The following CTNNA2 variants were observed in gnomAD, a reference collection of about 807,000 sequenced individuals.
CTNNA2 encodes catenin alpha-2.
CTNNA2 carries 42 observed loss-of-function variants against 101.0 expected under a neutral mutation model. That is an observed-to-expected ratio of 0.42 (90% CI 0.32 to 0.54). The LOEUF (loss-of-function observed/expected upper bound fraction) is 0.54. Ranked by LOEUF, CTNNA2 falls within the 20% of genes least tolerant of loss-of-function variation. CTNNA2 has a pLI of 0.14. For synonymous variants in CTNNA2, 450 were observed against 456.4 expected (o/e 0.99, Z 0.18); for missense variants, 871 against 1,223.1 (o/e 0.71, Z 4.29).
rs552464692 is a variant in CTNNA2, at chr2:79,393,683, G to A, written c.-135+19670G>A. Among the ~76,000 whole-genome samples the A allele has an allele frequency of 9.7e-4, 147 of 151,256 alleles. 1 individual carries two copies. Among genetic ancestry groups the A allele is most frequent in the African/African-American group, 3.2e-3 (132 of 41,144 alleles). ...CGAAGCTCTGAATTTCCTACAATGG[G>A]CTGGAGGTCACAAGCAGGAATGTGG... On this transcript the variant is annotated intron_variant, in intron 4 of 21. Coordinates refer to the CTNNA2 transcript ENST00000466387.
At chr2:79,280,312 TA>T in intron 2 of CTNNA2, among the ~76,000 whole-genome samples, 1 of 152,172 alleles carries the variant, frequency 6.6e-6, no homozygotes, top group Non-Finnish European at 1.5e-5. Context: ...TGTGGAAGCC[TA>T]AAAACATGTG....
At chr2:80,077,602 C>A (rs1050581939) in intron 7 of CTNNA2, among the ~76,000 whole-genome samples, 48 of 144,326 alleles carry the variant, frequency 3.3e-4, no homozygotes, top group Non-Finnish European at 5.1e-4. Context: ...AAAAAAAAAA[C>A]ATAAACAAAA....
In CTNNA2 at chr2:80,338,236, G is replaced by A. The variant is rs900453645; in HGVS notation, c.1057-54975G>A. ...ACTCCTGAGCTTAGGTGATCTTCCC[G>A]CCTTGGCTTCCCAAAGTGCTGGGAT... On this transcript the variant is annotated intron_variant, in intron 7 of 18. Coordinates refer to ENST00000402739, the MANE Select transcript of CTNNA2 (RefSeq NM_001282597.3). Among the ~76,000 whole-genome samples, 9 of 151,488 alleles carry A rather than the reference G, an allele frequency of 5.9e-5. No individual in the cohort carries two copies. The South Asian group carries it at 6.2e-4, about 11-fold the overall frequency.
At chr2:80,032,954 C>T (rs553656255) in intron 7 of CTNNA2, among the ~76,000 whole-genome samples, 27 of 151,874 alleles carry the variant, frequency 1.8e-4, no homozygotes, top group Non-Finnish European at 3.4e-4. Flanking sequence ...AGGTCGAGAC[C>T]ATCCTGGCCA....
intron 1 of CTNNA2, among the ~76,000 whole-genome samples, chr2:79,579,151 T>G (rs1675986005): frequency 6.6e-6 from 1 of 151,150 alleles, no homozygotes; most frequent in Non-Finnish European, 1.5e-5. Flanking sequence ...TTCCTTTCCT[T>G]CTCTTTTTTC....
intron 4 of CTNNA2, among the ~76,000 whole-genome samples, chr2:79,860,556 T>TTTTGTTTTTTG (rs1332648095): frequency 2.5e-4 from 37 of 150,256 alleles, no homozygotes; most frequent in Admixed American, 2.1e-3. Context: ...GTTTTTTTTT[T>TTTTGTTTTTTG]TTTTTTTTTA....
intron 1 of CTNNA2, among the ~76,000 whole-genome samples, chr2:79,629,826 C>T (rs1436781891): frequency 6.6e-6 from 1 of 152,032 alleles, no homozygotes; most frequent in Non-Finnish European, 1.5e-5. Flanking sequence ...ATCTTTGTGC[C>T]TTGCTGAACC....
chr2:79,916,142 A>G (rs1025225219), intron 7 of CTNNA2, among the ~76,000 whole-genome samples: 3 of 152,216 alleles, frequency 2.0e-5, no homozygotes, highest in Non-Finnish European at 4.4e-5. Flanking sequence ...CAGCTTGGCT[A>G]ATAATAACTT....
chr2:80,092,195 C>A (rs1039487664), intron 7 of CTNNA2, among the ~76,000 whole-genome samples: 1 of 152,106 alleles, frequency 6.6e-6, no homozygotes, highest in African/African-American at 2.4e-5. Context: ...GACAATTAGA[C>A]AGTGGCCTCC....
At chr2:80,345,994 T>C (rs1672699328) in intron 7 of CTNNA2, among the ~76,000 whole-genome samples, 1 of 152,194 alleles carries the variant, frequency 6.6e-6, no homozygotes, top group Admixed American at 6.5e-5. Flanking sequence ...AAAATAATTT[T>C]CCATTTTCAC....
intron 7 of CTNNA2, among the ~76,000 whole-genome samples, chr2:79,959,112 A>G (rs1689451235): frequency 6.6e-6 from 1 of 150,380 alleles, no homozygotes; most frequent in African/African-American, 2.4e-5. Context: ...CTGTAGTGTG[A>G]TCACAGCTCA....
chr2:80,153,054 C>A (rs532257662), intron 7 of CTNNA2, among the ~76,000 whole-genome samples: 1 of 152,158 alleles, frequency 6.6e-6, no homozygotes, highest in Non-Finnish European at 1.5e-5. Flanking sequence ...TTCCTGCTCC[C>A]GCAGAACACC....
At chr2:80,206,000 T>A (rs779884054) in intron 7 of CTNNA2, among the ~76,000 whole-genome samples, 4 of 152,250 alleles carry the variant, frequency 2.6e-5, no homozygotes, top group Non-Finnish European at 5.9e-5. Context: ...GCCTTTCACA[T>A]TACAATGAAT....
intron 9 of CTNNA2, among the ~76,000 whole-genome samples, chr2:80,535,170 T>A (rs976315094): frequency 2.0e-5 from 3 of 152,170 alleles, no homozygotes; most frequent in African/African-American, 7.2e-5. Flanking sequence ...CTTGTTTCTT[T>A]TGTAAAACTC....
chr2:80,310,277 G>C (rs1431862191), intron 7 of CTNNA2, among the ~76,000 whole-genome samples: 1 of 152,226 alleles, frequency 6.6e-6, no homozygotes, highest in Non-Finnish European at 1.5e-5. Flanking sequence ...AGAATGGAAA[G>C]TCTATGTGTA....
chr2:79,407,166 G>A (rs1678349903), intron 4 of CTNNA2, among the ~76,000 whole-genome samples: 1 of 152,068 alleles, frequency 6.6e-6, no homozygotes, highest in African/African-American at 2.4e-5. Context: ...TATTGCAAAT[G>A]TTGCCTAATG....
At chr2:80,319,540 A>G (rs1678476888) in intron 7 of CTNNA2, among the ~76,000 whole-genome samples, 1 of 152,200 alleles carries the variant, frequency 6.6e-6, no homozygotes, top group Non-Finnish European at 1.5e-5. Flanking sequence ...CAACATGGAG[A>G]ACAAAGTACT....
intron 7 of CTNNA2, among the ~76,000 whole-genome samples, chr2:80,352,882 T>C (rs1188598379): frequency 6.6e-6 from 1 of 151,944 alleles, no homozygotes; most frequent in Non-Finnish European, 1.5e-5. Context: ...TCCACTGTAA[T>C]TTCCCATGAA....
chr2:80,247,927 T>C (rs1427970423), intron 7 of CTNNA2, among the ~76,000 whole-genome samples: 2 of 152,200 alleles, frequency 1.3e-5, no homozygotes, highest in Admixed American at 1.3e-4. Context: ...CTGCAGGTTA[T>C]TGAAATCTAG....
Sources: gnomAD v4.1 joint callset for allele counts (sites outside exome capture counted in the v4.1 genomes callset) on GRCh38, gnomAD v4.1.1 for gene constraint, MANE v1.5 for transcripts, NCBI Gene and HGNC (gene_info 2026-07-23, HGNC 2026-07-21) for gene names.